SHISA6: variants seen among roughly 807,000 people sequenced by gnomAD.
SHISA6 encodes protein shisa-6.
SHISA6 carries 22 observed loss-of-function variants against 47.9 expected under a neutral mutation model. The ratio of observed to expected loss-of-function variants is 0.46; its 90% confidence interval spans 0.33 to 0.66. The LOEUF (loss-of-function observed/expected upper bound fraction) is 0.66. SHISA6 is among the 30% of genes least tolerant of loss of function. The pLI, the probability that SHISA6 is intolerant of heterozygous loss-of-function variation, is 0.02. For missense variants in SHISA6, 680 were observed against 764.6 expected, an observed-to-expected ratio of 0.89 and a Z score of 1.30; for synonymous variants, 388 against 337.8, an observed-to-expected ratio of 1.15 and a Z score of -1.63.
At chr17:11,266,655 A>G (rs759647247) in intron 2 of SHISA6, among the ~76,000 whole-genome samples, 6 of 152,366 alleles carry the variant, frequency 3.9e-5, no homozygotes, top group Non-Finnish European at 7.3e-5. Context: ...GTCCCCATAC[A>G]TAGCAAACAC....
At chr17:11,506,206 C>T (rs1289633577) in intron 3 of SHISA6, among the ~76,000 whole-genome samples, 4 of 152,190 alleles carry the variant, frequency 2.6e-5, no homozygotes, top group Non-Finnish European at 5.9e-5. Context: ...CTCACCCCAA[C>T]ATATCTGCAC....
chr17:11,499,604 G>A (rs2071434162), intron 3 of SHISA6, among the ~76,000 whole-genome samples: 1 of 152,064 alleles, frequency 6.6e-6, no homozygotes, highest in Non-Finnish European at 1.5e-5. Context: ...AACTTTAATA[G>A]GGGAGCAATG....
chr17:11,244,472 A>G (rs1558215), intron 1 of SHISA6, among the ~76,000 whole-genome samples: 118,556 of 151,996 alleles, frequency 0.78, 49,450 homozygotes, highest in South Asian at 0.92. Context: ...CTTCCGGGGC[A>G]CGTCAGGGTG....
chr17:11,491,476 T>C (rs1916475168), intron 3 of SHISA6, among the ~76,000 whole-genome samples: 2 of 152,034 alleles, frequency 1.3e-5, no homozygotes, highest in South Asian at 4.2e-4. Flanking sequence ...ACTTTTTTAA[T>C]TTTTGTGGAG....
At chr17:11,316,415 CTCTCTTTT>C (rs1326321050) in intron 2 of SHISA6, among the ~76,000 whole-genome samples, 6 of 50,758 alleles carry the variant, frequency 1.2e-4, no homozygotes, top group African/African-American at 4.2e-4. Flanking sequence ...CTCTCTCTCT[CTCTCTTTT>C]TTTTTTTTTT....
At chr17:11,350,699 A>C (rs1432512222) in intron 2 of SHISA6, among the ~76,000 whole-genome samples, 1 of 152,008 alleles carries the variant, frequency 6.6e-6, no homozygotes, top group African/African-American at 2.4e-5. Flanking sequence ...ATTATTGTAG[A>C]GTGATCAGAG....
chr17:11,465,909 GT>G (rs1160185468), intron 3 of SHISA6, among the ~76,000 whole-genome samples: 1 of 152,154 alleles, frequency 6.6e-6, no homozygotes, highest in African/African-American at 2.4e-5. Flanking sequence ...TAGAGACTTA[GT>G]GACTGTATTG....
rs150485324 is a variant in SHISA6, at chr17:11,254,081, G to T, written c.639-9285G>T. ...CAGCAGCCCTGCTCCTTATAGAAAAGAACTTTGACTTGCTTCTCTTAGTCT... is the reference window on the plus strand; with the variant it reads ...CAGCAGCCCTGCTCCTTATAGAAAATAACTTTGACTTGCTTCTCTTAGTCT... On this transcript the variant is annotated intron_variant, in intron 1 of 5. Coordinates refer to ENST00000441885, the MANE Select transcript of SHISA6 (RefSeq NM_207386.4). Among the ~76,000 whole-genome samples the T allele has an allele frequency of 3.0e-3, 457 of 152,308 alleles. 2 individuals are homozygous for T. Among genetic ancestry groups the T allele is most frequent in the African/African-American group, 7.9e-3 (327 of 41,560 alleles).
At chr17:11,317,794 T>A (rs1446356142) in intron 2 of SHISA6, among the ~76,000 whole-genome samples, 1 of 151,796 alleles carries the variant, frequency 6.6e-6, no homozygotes, top group Non-Finnish European at 1.5e-5. Flanking sequence ...TCTATGAGTG[T>A]TTATATTTCT....
rs573364947 is a variant in SHISA6 at position 11,395,448 on chromosome 17, T to A, written c.895+15939T>A. ...CTGCTACCTTACTGATTTCTTTTAT[T>A]GCTTATTTTTATTATTGGCATCCTA... On this transcript the variant is annotated intron_variant, in intron 3 of 5. Coordinates refer to ENST00000441885, the MANE Select transcript of SHISA6 (RefSeq NM_207386.4). Among the ~76,000 whole-genome samples, 4 of 152,220 alleles carry A rather than the reference T, an allele frequency of 2.6e-5. No individual in the cohort carries two copies. The South Asian group carries it at 8.3e-4, about 32-fold the overall frequency.
chr17:11,362,206 C>T (rs1292377496), intron 2 of SHISA6, among the ~76,000 whole-genome samples: 1 of 152,138 alleles, frequency 6.6e-6, no homozygotes, highest in African/African-American at 2.4e-5. Context: ...GAGGCATGAT[C>T]ATAGCTTACT....
chr17:11,292,413 A>G (rs1567562963), intron 2 of SHISA6, among the ~76,000 whole-genome samples: 1 of 152,144 alleles, frequency 6.6e-6, no homozygotes. Context: ...CCATGTAACA[A>G]ATCTGCACAT....
At chr17:11,272,087 T>G (rs1239522293) in intron 2 of SHISA6, among the ~76,000 whole-genome samples, 1 of 152,104 alleles carries the variant, frequency 6.6e-6, no homozygotes, top group Non-Finnish European at 1.5e-5. Context: ...TCCGCTCCAC[T>G]ACCAGGCACC....
intron 2 of SHISA6, among the ~76,000 whole-genome samples, chr17:11,306,266 G>T (rs934183953): frequency 6.6e-6 from 1 of 152,110 alleles, no homozygotes; most frequent in Non-Finnish European, 1.5e-5. Flanking sequence ...AGTGATCTCA[G>T]CCTTCCCCCA....
chr17:11,469,322 A>G (rs1301086758), intron 3 of SHISA6, among the ~76,000 whole-genome samples: 2 of 152,146 alleles, frequency 1.3e-5, no homozygotes, highest in South Asian at 2.1e-4. Flanking sequence ...ATGCCTGAAG[A>G]TGGAGGAAGG....
chr17:11,379,612 A>G, intron 3 of SHISA6, 103 bp downstream of exon 3: 1 of 754,772 alleles, frequency 1.3e-6, no homozygotes, highest in South Asian at 1.7e-5. Context: ...TGGGACAGGA[A>G]TAAGTGGGGT....
At chr17:11,328,727 A>G (rs1910998306) in intron 2 of SHISA6, among the ~76,000 whole-genome samples, 1 of 152,224 alleles carries the variant, frequency 6.6e-6, no homozygotes, top group Admixed American at 6.5e-5. Context: ...CACAAATGAA[A>G]AAAATAAGTA....
chr17:11,241,782 C>T lies in SHISA6; in HGVS notation c.360C>T (p.Cys120=). The change falls in exon 1 of 6, where the codon TGC becomes TGT. Residue 120 remains cysteine (C), a synonymous_variant. Transcript: ENST00000441885. The surrounding 1 kb of genome is among the most constrained non-coding windows in gnomAD (Gnocchi z 5.5). ...CNNSESGYLY[C]CGTCYYRFCC... ...ACAGCGAGAGCGGCTACCTGTACTG[C>T]TGCGGTACCTGCTACTACCGCTTCT... The T allele has an allele frequency of 1.3e-6, 2 of 1,549,816 alleles. No homozygotes were observed. The highest frequency in any genetic ancestry group is 1.4e-5 in the African/African-American group (1 of 73,180).
At chr17:11,529,679 A>G (rs1180010846) in intron 3 of SHISA6, among the ~76,000 whole-genome samples, 5 of 152,248 alleles carry the variant, frequency 3.3e-5, no homozygotes, top group Admixed American at 3.3e-4. Context: ...AAATACTGAT[A>G]AAGTTGACTA....
Sources: gnomAD v4.1 joint callset for allele counts (sites outside exome capture counted in the v4.1 genomes callset) on GRCh38, gnomAD v4.1.1 for gene constraint, Gnocchi (gnomAD v3.1) non-coding constraint, MANE v1.5 for transcripts, NCBI Gene and HGNC (gene_info 2026-07-23, HGNC 2026-07-21) for gene names.